Variants in BICC1 observed in about 807,000 individuals in gnomAD.
BICC1 encodes the protein protein bicaudal C homolog 1.
A neutral mutation model predicts 111.0 loss-of-function variants in BICC1; 43 were observed. That is an observed-to-expected ratio of 0.39 (90% CI 0.30 to 0.50). The LOEUF (loss-of-function observed/expected upper bound fraction) is 0.50. BICC1 is among the 20% of genes least tolerant of loss of function. BICC1 has a pLI of 0.88. For synonymous variants in BICC1, 467 were observed against 434.4 expected (o/e 1.07, Z -0.93); for missense variants, 1,091 against 1,203.2 (o/e 0.91, Z 1.38).
chr10:58,663,114 T>G (rs1365923144), intron 2 of BICC1, among the ~76,000 whole-genome samples: 1 of 146,666 alleles, frequency 6.8e-6, no homozygotes, highest in Non-Finnish European at 1.5e-5. Context: ...TTGCCCAGGC[T>G]GCAGTGCAGT....
At chr10:58,729,341 G>C (rs1841213991) in intron 3 of BICC1, among the ~76,000 whole-genome samples, 1 of 152,166 alleles carries the variant, frequency 6.6e-6, no homozygotes, top group African/African-American at 2.4e-5. Flanking sequence ...TTATGGAGAT[G>C]GCATCTTTTC....
At chr10:58,792,694 C>T (rs888990129) in intron 8 of BICC1, among the ~76,000 whole-genome samples, 5 of 152,206 alleles carry the variant, frequency 3.3e-5, no homozygotes, top group East Asian at 1.9e-4. Context: ...CAGATGGGAC[C>T]GTCTAGTTGC....
rs147971662 is a variant in BICC1, at chr10:58,541,481, G to A, written c.190+28148G>A. Among the ~76,000 whole-genome samples, 1,032 of 152,064 alleles carry A rather than the reference G, an allele frequency of 6.8e-3. 8 individuals carry two copies. Among genetic ancestry groups the A allele is most frequent in the Non-Finnish European group, 8.6e-3 (583 of 67,962 alleles). On this transcript the variant is annotated intron_variant, in intron 1 of 20. Coordinates refer to ENST00000373886, the MANE Select transcript of BICC1 (RefSeq NM_001080512.3). ...AGCATCAAAAAGAATAAAATACTTA[G>A]GAATAAACTTTACCAATGAGGCGAA...
chr10:58,689,547 T>C (rs1474603820), intron 2 of BICC1, among the ~76,000 whole-genome samples: 1 of 152,246 alleles, frequency 6.6e-6, no homozygotes, highest in Non-Finnish European at 1.5e-5. Context: ...TTTATGAGTC[T>C]GGATTCTGAA....
In BICC1 at chr10:58,649,355, A is replaced by G. The variant is rs1412037868; in HGVS notation, c.237+28454A>G. ...GCAGTGTAGCATAAGTCAAGTAGGT[A>G]TCACTGAATGAAGCTGGGCTTGTGC... On this transcript the variant is annotated intron_variant, in intron 2 of 20. Transcript: ENST00000373886. 7.9e-5 allele frequency among the ~76,000 whole-genome samples: 12 copies of G among 152,188 alleles called. 1 individual carries two copies. Among genetic ancestry groups the G allele is most frequent in the Admixed American group, 7.2e-4 (11 of 15,284 alleles).
chr10:58,763,933 T>C (rs1305199859), intron 3 of BICC1, among the ~76,000 whole-genome samples: 1 of 151,790 alleles, frequency 6.6e-6, no homozygotes, highest in Non-Finnish European at 1.5e-5. Flanking sequence ...GGATCACTTC[T>C]AAGAGCAGAG....
At chr10:58,674,026 G>A (rs868025367) in intron 2 of BICC1, among the ~76,000 whole-genome samples, 2 of 152,150 alleles carry the variant, frequency 1.3e-5, no homozygotes, top group African/African-American at 2.4e-5. Flanking sequence ...GCCATATTGT[G>A]TTTGTCTGAA....
chr10:58,659,370 G>A (rs1315077699), intron 2 of BICC1, among the ~76,000 whole-genome samples: 2 of 152,048 alleles, frequency 1.3e-5, no homozygotes, highest in East Asian at 1.9e-4. Context: ...AGAAAATGTG[G>A]TACATATACA....
At chr10:58,807,734 A>G (rs1006743811) in intron 17 of BICC1, among the ~76,000 whole-genome samples, 1 of 152,122 alleles carries the variant, frequency 6.6e-6, no homozygotes, top group African/African-American at 2.4e-5. Context: ...GGAGAGTTCC[A>G]TACTCCACAG....
At position 58,800,977 on chromosome 10, in the gene BICC1, C is replaced by A; in HGVS notation, c.1946C>A (p.Pro649His). ...GGTGACTTGAAACAGATGATGTGTC[C>A]CTCCAAGGTTTCCTGTGCCAAAAGG... ...NAGDLKQMMC[P>H]SKVSCAKRQT... The change falls in exon 14 of 21, where the codon CCC becomes CAC. Residue 649 changes from proline (P) to histidine (H), a missense_variant. By Grantham distance (77) the Pro-to-His change is moderately conservative. Transcript: ENST00000373886. 6.2e-7 allele frequency: 1 copy of A among 1,612,360 alleles called. No individual in the cohort carries two copies. The highest frequency in any genetic ancestry group is 8.5e-7 in the Non-Finnish European group (1 of 1,179,182).
intron 1 of BICC1, among the ~76,000 whole-genome samples, chr10:58,618,238 G>C (rs573673493): frequency 3.3e-5 from 5 of 152,308 alleles, no homozygotes; most frequent in African/African-American, 1.2e-4. Context: ...CTTGGCCTAG[G>C]GGGTGGAGTG....
intron 4 of BICC1, among the ~76,000 whole-genome samples, chr10:58,785,283 TAC>T (rs1457609833): frequency 1.3e-5 from 2 of 152,232 alleles, no homozygotes; most frequent in African/African-American, 2.4e-5. Flanking sequence ...AATTGAACTA[TAC>T]ATACACACAC....
At chr10:58,515,246 G>A (rs190895055) in intron 1 of BICC1, among the ~76,000 whole-genome samples, 9 of 152,300 alleles carry the variant, frequency 5.9e-5, no homozygotes, top group Non-Finnish European at 1.0e-4. Context: ...TTGAACAACC[G>A]ATATACAGTC....
At chr10:58,708,722 CT>C (rs56243525) in intron 3 of BICC1, among the ~76,000 whole-genome samples, 151,906 of 152,298 alleles carry the variant, frequency 1, 75,758 homozygotes, top group Middle Eastern at 1. Flanking sequence ...ATGTTGCCTG[CT>C]TACTTACTGT....
chr10:58,627,501 C>T (rs1439271377), intron 2 of BICC1, among the ~76,000 whole-genome samples: 1 of 152,162 alleles, frequency 6.6e-6, no homozygotes, highest in African/African-American at 2.4e-5. Context: ...TACAGACTTC[C>T]TCATTTATGG....
rs1439932365 is a variant in BICC1 at position 58,662,199 on chromosome 10, C to T, written c.238-39875C>T. Among the ~76,000 whole-genome samples, 4 of 152,202 alleles carry T rather than the reference C, an allele frequency of 2.6e-5. No homozygotes were observed. The East Asian group carries it at 5.8e-4, about 22-fold the overall frequency. On this transcript the variant is annotated intron_variant, in intron 2 of 20. Transcript: ENST00000373886. ...TCCCTCCAGGCCAAAATACAAATGA[C>T]ACATATCTTGGACATCTTCTACTAG...
intron 3 of BICC1, among the ~76,000 whole-genome samples, chr10:58,781,818 A>G (rs920057161): frequency 6.6e-6 from 1 of 152,214 alleles, no homozygotes; most frequent in African/African-American, 2.4e-5. Flanking sequence ...AAAAGGACAC[A>G]TCTTGTATGC....
chr10:58,653,717 C>T (rs1028371354), intron 2 of BICC1, among the ~76,000 whole-genome samples: 15 of 151,338 alleles, frequency 9.9e-5, no homozygotes, highest in Admixed American at 7.2e-4. Flanking sequence ...TTTTAGGGTA[C>T]ATGTGCACAT....
intron 3 of BICC1, among the ~76,000 whole-genome samples, chr10:58,715,072 A>G (rs12247238): frequency 0.02 from 3,071 of 152,086 alleles, 119 homozygotes; most frequent in African/African-American, 0.071. Context: ...TGTCTCAAAA[A>G]AAAAAAAAGA....
Sources: gnomAD v4.1 joint callset for allele counts (sites outside exome capture counted in the v4.1 genomes callset) on GRCh38, gnomAD v4.1.1 for gene constraint, MANE v1.5 for transcripts, NCBI Gene and HGNC (gene_info 2026-07-23, HGNC 2026-07-21) for gene names.